The following NEK8 variants were observed in gnomAD, a reference collection of about 807,000 sequenced individuals.
NEK8 encodes NIMA related kinase 8.
Under a neutral mutation model 77.2 loss-of-function variants are expected in NEK8, and 51 were observed. The ratio of observed to expected loss-of-function variants is 0.66; its 90% CI spans 0.53 to 0.83. The LOEUF (loss-of-function observed/expected upper bound fraction) is 0.83, where lower values mean the gene tolerates loss of function less well. Ranked by LOEUF, NEK8 falls within the 40% of genes least tolerant of loss-of-function variation. The probability of loss-of-function intolerance (pLI) is 0.00; values close to 1 mark genes in which losing one functional copy is unlikely to be tolerated. For synonymous variants in NEK8, 365 were observed against 363.2 expected (o/e 1.00, Z -0.06); for missense variants, 787 against 909.2 (o/e 0.87, Z 1.73).
chr17:28,730,850 G>A (rs1188044167), intron 1 of NEK8, among the ~76,000 whole-genome samples: 1 of 152,200 alleles, frequency 6.6e-6, no homozygotes, highest in Non-Finnish European at 1.5e-5. Context: ...TTGAGCATGG[G>A]AGGTGGAGGC....
intron 3 of NEK8, 64 bp from the exon 4 acceptor site, chr17:28,735,176 C>A: frequency 6.2e-7 from 1 of 1,606,238 alleles, no homozygotes; most frequent in Non-Finnish European, 8.5e-7. Context: ...CCCAAATGGG[C>A]TTATGCACAG....
chr17:28,734,348 C>A, intron 2 of NEK8, 160 bp downstream of exon 2: 1 of 692,782 alleles, frequency 1.4e-6, no homozygotes, highest in Admixed American at 2.1e-5. Flanking sequence ...CCTCTCTGGT[C>A]CCAGTGCCCT....
chr17:28,738,726 C>T lies in NEK8; in HGVS notation c.1278C>T (p.Gly426=). ...GCAGCAATGGGTGCCTAGGCCATGG[C>T]AGCCTCACTGACATCAGCCAGGTGG... ...GSGSNGCLGH[G]SLTDISQPTI... is the part of the protein sequence containing the mutation. Residue 426 remains glycine (G), a synonymous_variant, in exon 9 of 15, where the codon GGC becomes GGT. Coordinates refer to ENST00000268766, the MANE Select transcript of NEK8 (RefSeq NM_178170.3). 1 of 1,613,978 alleles carries T rather than the reference C, an allele frequency of 6.2e-7. No individual in the cohort carries two copies. Among genetic ancestry groups the T allele is most frequent in the East Asian group, 2.2e-5 (1 of 44,890 alleles).
chr17:28,740,382 C>T lies in NEK8; in HGVS notation c.1418-81C>T. 2.5e-6 allele frequency: 3 copies of T among 1,207,834 alleles called. No homozygotes were observed. The highest frequency in any genetic ancestry group is 3.7e-6 in the Non-Finnish European group (3 of 809,968). 74.8% of individuals were successfully genotyped at this position (1,207,834 alleles called of 1,614,324 possible). The stretch of plus-strand genomic sequence containing the variant: ...AGAGAACAGAGAACTCATGCTGTTC[C>T]CTCCCCTCAGTGGGCCCTCCTCATT... On this transcript the variant is annotated intron_variant, in intron 10 of 14. Coordinates refer to ENST00000268766, the MANE Select transcript of NEK8 (RefSeq NM_178170.3). This position sits in a 1 kb window ranked among gnomAD's most constrained non-coding sequence, Gnocchi z 4.7.
Position 28,737,913 on chromosome 17 carries a change from A to C in NEK8, c.984A>C (p.Pro328=). The C allele has an allele frequency of 6.2e-7, 1 of 1,613,806 alleles. No individual in the cohort carries two copies. Among genetic ancestry groups the C allele is most frequent in the Non-Finnish European group, 8.5e-7 (1 of 1,179,972 alleles). The stretch of plus-strand genomic sequence containing the variant: ...GGCTGGGCACCCCCCTGCGGCTGCC[A>C]ATGCTCAACACAGAGGTGGTCCAGG... ...GGGLGTPLRL[P]MLNTEVVQVA... Residue 328 remains proline (P), a synonymous_variant, in exon 7 of 15, where the codon CCA becomes CCC. Transcript: ENST00000268766. This position sits in a 1 kb window ranked among gnomAD's most constrained non-coding sequence, Gnocchi z 4.8.
In NEK8 at chr17:28,741,353, G is replaced by C. The variant is rs969689756; in HGVS notation, c.1892-60G>C. On this transcript the variant is annotated intron_variant, in intron 13 of 14. Coordinates refer to ENST00000268766, the MANE Select transcript of NEK8 (RefSeq NM_178170.3). This position sits in a 1 kb window ranked among gnomAD's most constrained non-coding sequence, Gnocchi z 4.5. ...GGGGCCATCCTGGCAATGTGGGAGGGGAGATCCTGCTCGGGCTGTGCCCAC... is the reference window on the plus strand; with the variant it reads ...GGGGCCATCCTGGCAATGTGGGAGGCGAGATCCTGCTCGGGCTGTGCCCAC... 10 of 1,602,650 alleles carry C rather than the reference G, an allele frequency of 6.2e-6. No individual in the cohort carries two copies. The highest frequency in any genetic ancestry group is 8.5e-6 in the Non-Finnish European group (10 of 1,174,090).
chr17:28,740,630 G>A lies in NEK8; in HGVS notation c.1568+17G>A, dbSNP rs779673431. 6.2e-6 allele frequency: 10 copies of A among 1,613,872 alleles called. No individual in the cohort carries two copies. The South Asian group carries it at 7.7e-5, about 12-fold the overall frequency. The stretch of plus-strand genomic sequence containing the variant: ...GAGCAACAGGTGAATAGATCATCAG[G>A]ATGACTAACCTGCCCCTGGCTCTCC... On this transcript the variant is annotated intron_variant, in intron 11 of 14. Coordinates refer to ENST00000268766, the MANE Select transcript of NEK8 (RefSeq NM_178170.3). The surrounding 1 kb of genome is among the most constrained non-coding windows in gnomAD (Gnocchi z 4.7).
chr17:28,728,821 A>G lies in NEK8; in HGVS notation c.8A>G (p.Lys3Arg). The G allele has an allele frequency of 5.2e-6, 8 of 1,551,532 alleles. No individual in the cohort carries two copies. The highest frequency in any genetic ancestry group is 7.0e-6 in the Non-Finnish European group (8 of 1,146,822). ME[K>R]YERIRVVGRG... ...GAAACTCTAAGAAATGAGATGGAGA[A>G]GTACGAGCGGATCCGAGTGGTGGGG... Residue 3 changes from lysine (K) to arginine (R), a missense_variant, in exon 1 of 15, where the codon AAG becomes AGG. Lys to Arg is a conservative substitution (Grantham distance 26, BLOSUM62 2). Coordinates refer to ENST00000268766, the MANE Select transcript of NEK8 (RefSeq NM_178170.3).
rs575425371 is a variant in NEK8 at position 28,736,333 on chromosome 17, C to A, written c.618+962C>A. Among the ~76,000 whole-genome samples, 749 of 152,218 alleles carry A rather than the reference C, an allele frequency of 4.9e-3. 3 individuals carry two copies. Among genetic ancestry groups the A allele is most frequent in the African/African-American group, 0.017 (718 of 41,514 alleles). On this transcript the variant is annotated intron_variant, in intron 4 of 14. Coordinates refer to ENST00000268766, the MANE Select transcript of NEK8 (RefSeq NM_178170.3). ...TCAAATGGTATTTCTAGTTCTAGAT[C>A]CCTGAGGAATCGCCACACTGACTTC...
In NEK8 at chr17:28,728,916, A is replaced by G. The variant is rs545088364; in HGVS notation, c.47+56A>G. 5.4e-5 allele frequency: 79 copies of G among 1,471,362 alleles called. No individual in the cohort carries two copies. The South Asian group carries it at 6.4e-4, about 12-fold the overall frequency. 91.1% of individuals were successfully genotyped at this position (1,471,362 alleles called of 1,614,324 possible). A position where few individuals can be genotyped will look rare whatever the true frequency, so the allele number is the denominator to read the frequency against. ...TAGGGGATAGGGAAAATAAGCCCCAATTCCGCCCGCGAAGTCGCCGCCCGC... is the reference window on the plus strand; with the variant it reads ...TAGGGGATAGGGAAAATAAGCCCCAGTTCCGCCCGCGAAGTCGCCGCCCGC... On this transcript the variant is annotated intron_variant, in intron 1 of 14. Transcript: ENST00000268766.
In NEK8 at chr17:28,740,232, G is replaced by T. The variant is rs2034407243; in HGVS notation, c.1418-231G>T. Among the ~76,000 whole-genome samples the T allele has an allele frequency of 6.6e-6, 1 of 152,122 alleles. No individual in the cohort carries two copies. Among genetic ancestry groups the T allele is most frequent in the East Asian group, 1.9e-4 (1 of 5,190 alleles). ...CCAGGAGGCAGAGGTTGCAGTGAGT[G>T]AAGATCATACCCTTGTACTCCAGCC... On this transcript the variant is annotated intron_variant, in intron 10 of 14. Transcript: ENST00000268766. The surrounding 1 kb of genome is among the most constrained non-coding windows in gnomAD (Gnocchi z 4.7).
At chr17:28,736,360 A>G (rs2034365674) in intron 4 of NEK8, among the ~76,000 whole-genome samples, 4 of 152,222 alleles carry the variant, frequency 2.6e-5, no homozygotes, top group Admixed American at 2.6e-4. Context: ...ACTGACTTCC[A>G]CAATGGTTGA....
At chr17:28,729,948 A>C (rs2034290937) in intron 1 of NEK8, among the ~76,000 whole-genome samples, 2 of 152,230 alleles carry the variant, frequency 1.3e-5, no homozygotes, top group Admixed American at 1.3e-4. Flanking sequence ...GAAATGTCTC[A>C]CATGGGAAAA....
intron 4 of NEK8, among the ~76,000 whole-genome samples, chr17:28,736,718 G>A (rs1275226255): frequency 6.6e-6 from 1 of 152,144 alleles, no homozygotes; most frequent in Non-Finnish European, 1.5e-5. Flanking sequence ...CATTCTGTAG[G>A]TTGCCTGTTC....
At chr17:28,733,854 C>T (rs1038795277) in intron 1 of NEK8, 129 bp from the exon 2 acceptor site, 15 of 755,238 alleles carry the variant, frequency 2.0e-5, no homozygotes, top group South Asian at 7.4e-5. Context: ...GTGTTCTGTG[C>T]GCTTGGTTAG....
At position 28,734,962 on chromosome 17, in the gene NEK8, C is replaced by T. The variant is rs776495618; in HGVS notation, c.444C>T (p.Phe148=). The stretch of plus-strand genomic sequence containing the variant: ...GCATGGTCGTCAAGATCGGTGATTT[C>T]GGCATCTCCAAGATCCTTAGCAGCA... The part of the protein sequence containing the change: ...KHRMVVKIGD[F]GISKILSSKS... The change falls in exon 3 of 15, where the codon TTC becomes TTT. Residue 148 remains phenylalanine, a synonymous_variant. Transcript: ENST00000268766. The T allele has an allele frequency of 2.7e-5, 43 of 1,613,170 alleles. No individual in the cohort carries two copies. Among genetic ancestry groups the T allele is most frequent in the East Asian group, 2.5e-4 (11 of 44,880 alleles).
At chr17:28,731,162 G>A (rs1356103927) in intron 1 of NEK8, among the ~76,000 whole-genome samples, 1 of 152,068 alleles carries the variant, frequency 6.6e-6, no homozygotes, top group Admixed American at 6.5e-5. Flanking sequence ...GCTTGAACCT[G>A]GAAGGCAGAG....
At chr17:28,729,499 G>C (rs2034284827) in intron 1 of NEK8, among the ~76,000 whole-genome samples, 1 of 151,648 alleles carries the variant, frequency 6.6e-6, no homozygotes, top group South Asian at 2.1e-4. Context: ...AGGATTACAG[G>C]CGTGCGCCAC....
In NEK8 at chr17:28,740,771, T is replaced by C; in HGVS notation, c.1569-51T>C. The C allele has an allele frequency of 1.2e-6, 2 of 1,609,544 alleles. No homozygotes were observed. Among genetic ancestry groups the C allele is most frequent in the Middle Eastern group, 2.0e-4 (1 of 4,922 alleles). ...GGGATCTGTCTCCTGGTGCACCAGC[T>C]CCTGCCCAAACTGTCTGTCAGTTGG... On this transcript the variant is annotated intron_variant, in intron 11 of 14. Coordinates refer to ENST00000268766, the MANE Select transcript of NEK8 (RefSeq NM_178170.3). This position sits in a 1 kb window ranked among gnomAD's most constrained non-coding sequence, Gnocchi z 4.7.
Sources: allele counts gnomAD v4.1 joint callset (sites outside exome capture counted in the v4.1 genomes callset), GRCh38; gene constraint gnomAD v4.1.1; non-coding constraint Gnocchi (gnomAD v3.1); transcripts MANE v1.5; gene names NCBI Gene and HGNC (gene_info 2026-07-23, HGNC 2026-07-21).